The following WDR72 variants were observed in gnomAD, a reference collection of about 807,000 sequenced individuals.
WDR72 encodes the protein WD repeat domain 72.
WDR72 carries 120 observed loss-of-function variants against 124.2 expected under a neutral mutation model. That is an observed-to-expected ratio of 0.97 (90% confidence interval 0.83 to 1.12). WDR72 has a LOEUF of 1.12. WDR72 is among the 50% of genes most tolerant of loss of function. The pLI, the probability that WDR72 is intolerant of heterozygous loss-of-function variation, is 0.00. For missense variants in WDR72, 1,387 were observed against 1,278.8 expected (o/e 1.08, Z -1.29); for synonymous variants, 452 against 441.7 (o/e 1.02, Z -0.29).
intron 18 of WDR72, among the ~76,000 whole-genome samples, chr15:53,593,278 T>G (rs1906440): frequency 2.6e-5 from 4 of 152,068 alleles, no homozygotes; most frequent in South Asian, 2.1e-4. Flanking sequence ...TGATTTTTAG[T>G]TCAAACTGAT....
chr15:53,556,684 A>C (rs1028168080), intron 18 of WDR72, among the ~76,000 whole-genome samples: 1 of 152,122 alleles, frequency 6.6e-6, no homozygotes, highest in African/African-American at 2.4e-5. Context: ...TTCAAAATGC[A>C]ATATCTTGAA....
At chr15:53,518,073 T>C (rs762897633) in intron 19 of WDR72, among the ~76,000 whole-genome samples, 7 of 150,094 alleles carry the variant, frequency 4.7e-5, no homozygotes, top group Non-Finnish European at 9.0e-5. Context: ...AAGTTTTCTA[T>C]AAGAAAAATT....
At chr15:53,553,530 T>A (rs938125635) in intron 18 of WDR72, among the ~76,000 whole-genome samples, 1 of 152,196 alleles carries the variant, frequency 6.6e-6, no homozygotes, top group Non-Finnish European at 1.5e-5. Context: ...TTCTATTTAG[T>A]TGTTGAATTG....
chr15:53,665,172 A>G (rs1595830892), intron 14 of WDR72, among the ~76,000 whole-genome samples: 1 of 151,696 alleles, frequency 6.6e-6, no homozygotes, highest in East Asian at 1.9e-4. Flanking sequence ...CAAAAGAATT[A>G]TCCATACTGT....
intron 18 of WDR72, among the ~76,000 whole-genome samples, chr15:53,534,266 C>G (rs990022452): frequency 2.6e-5 from 4 of 152,084 alleles, no homozygotes; most frequent in African/African-American, 7.2e-5. Flanking sequence ...TTTATTTGCA[C>G]TGAATGTTTA....
intron 18 of WDR72, among the ~76,000 whole-genome samples, chr15:53,587,315 A>T (rs1272376194): frequency 6.6e-6 from 1 of 152,036 alleles, no homozygotes; most frequent in African/African-American, 2.4e-5. Context: ...TATATTAAGG[A>T]ATGGCCACAT....
intron 18 of WDR72, among the ~76,000 whole-genome samples, chr15:53,550,742 G>A (rs934623605): frequency 2.0e-5 from 3 of 152,142 alleles, no homozygotes; most frequent in Non-Finnish European, 2.9e-5. Context: ...AAATGAAGCA[G>A]CCGAGAGAAT....
intron 7 of WDR72, 26 bp from the exon 8 acceptor site, chr15:53,711,507 A>C (rs751367035): frequency 6.2e-7 from 1 of 1,613,094 alleles, no homozygotes; most frequent in South Asian, 1.1e-5. Context: ...GATGCACATT[A>C]TCAAAGGCTT....
intron 14 of WDR72, among the ~76,000 whole-genome samples, chr15:53,647,836 A>G (rs1023571821): frequency 6.6e-6 from 1 of 152,142 alleles, no homozygotes; most frequent in Non-Finnish European, 1.5e-5. Flanking sequence ...ATACATGGAC[A>G]GACAGGTGGA....
At chr15:53,668,220 G>A (rs941315426) in intron 13 of WDR72, among the ~76,000 whole-genome samples, 1 of 152,168 alleles carries the variant, frequency 6.6e-6, no homozygotes, top group Non-Finnish European at 1.5e-5. Flanking sequence ...ATCATGATTA[G>A]TTATAAAATA....
At chr15:53,741,012 C>T (rs1227003348) in intron 1 of WDR72, among the ~76,000 whole-genome samples, 1 of 152,136 alleles carries the variant, frequency 6.6e-6, no homozygotes, top group Non-Finnish European at 1.5e-5. Flanking sequence ...ACTTTTTCAC[C>T]ATAACACTTT....
At chr15:53,761,890 C>T (rs1407052290), upstream of WDR72, among the ~76,000 whole-genome samples, 1 of 151,958 alleles carries the variant, frequency 6.6e-6, no homozygotes, top group African/African-American at 2.4e-5. Context: ...TAGGGAAAAG[C>T]CATTAAAAGT....
intron 14 of WDR72, among the ~76,000 whole-genome samples, chr15:53,631,564 C>A (rs1288729065): frequency 6.6e-6 from 1 of 152,066 alleles, no homozygotes; most frequent in Non-Finnish European, 1.5e-5. Flanking sequence ...CAGAAGAAGA[C>A]AGGAAGATGA....
chr15:53,741,646 T>C (rs1016696057), intron 1 of WDR72, among the ~76,000 whole-genome samples: 8 of 152,164 alleles, frequency 5.3e-5, no homozygotes, highest in Non-Finnish European at 8.8e-5. Flanking sequence ...TAAACTCCCA[T>C]AGGATTTAGA....
intron 17 of WDR72, among the ~76,000 whole-genome samples, chr15:53,606,140 G>A (rs1440449393): frequency 6.6e-6 from 1 of 152,092 alleles, no homozygotes; most frequent in Non-Finnish European, 1.5e-5. Context: ...AGGTCTGTTA[G>A]TCCAAACATG....
At chr15:53,552,900 G>T (rs1906426) in intron 18 of WDR72, among the ~76,000 whole-genome samples, 34,196 of 151,986 alleles carry the variant, frequency 0.22, 3,897 homozygotes, top group African/African-American at 0.26. Flanking sequence ...GAAAGTATTA[G>T]TTCCTGTGCA....
intron 13 of WDR72, among the ~76,000 whole-genome samples, chr15:53,686,807 G>C (rs1344003820): frequency 6.6e-6 from 1 of 150,572 alleles, no homozygotes; most frequent in Non-Finnish European, 1.5e-5. Context: ...CCACATACTT[G>C]GAAGTAAAGC....
chr15:53,644,878 G>A (rs2014986474), intron 14 of WDR72, among the ~76,000 whole-genome samples: 1 of 152,080 alleles, frequency 6.6e-6, no homozygotes. Context: ...CCAAGCTAAT[G>A]GCACGGGCAA....
chr15:53,626,579 G>T (rs183637930), intron 14 of WDR72, among the ~76,000 whole-genome samples: 1 of 152,320 alleles, frequency 6.6e-6, no homozygotes, highest in Non-Finnish European at 1.5e-5. Context: ...CCATACAAAG[G>T]GAGAGGACCC....
Sources: gnomAD v4.1 joint callset for allele counts (sites outside exome capture counted in the v4.1 genomes callset) on GRCh38, gnomAD v4.1.1 for gene constraint, MANE v1.5 for transcripts, NCBI Gene and HGNC (gene_info 2026-07-23, HGNC 2026-07-21) for gene names.